Variants in HEPH observed in about 807,000 individuals in gnomAD.
The protein encoded by HEPH is hephaestin.
Under a neutral mutation model 80.8 loss-of-function variants are expected in HEPH, and 69 were observed. The ratio of observed to expected loss-of-function variants is 0.85; its 90% CI spans 0.70 to 1.04. The LOEUF (loss-of-function observed/expected upper bound fraction) is 1.04. Ranked by LOEUF, HEPH falls within the 50% of genes least tolerant of loss-of-function variation. The pLI is 0.00. For synonymous variants in HEPH, 431 were observed against 322.8 expected, an observed-to-expected ratio of 1.34 and a Z score of -3.60; for missense variants, 1,115 against 891.3, an observed-to-expected ratio of 1.25 and a Z score of -3.20.
intron 15 of HEPH, among the ~76,000 whole-genome samples, chrX:66,231,616 T>C (rs1216100916): frequency 1.8e-5 from 2 of 110,004 alleles, no homozygotes; most frequent in Non-Finnish European, 3.8e-5. Flanking sequence ...GTGATTTTTG[T>C]ACATTGATTT....
chrX:66,178,066 G>A (rs1438938918), intron 4 of HEPH, among the ~76,000 whole-genome samples: 1 of 111,440 alleles, frequency 9.0e-6, no homozygotes, highest in African/African-American at 3.3e-5. Context: ...TTTACATTAG[G>A]TATATCTCCT....
intron 1 of HEPH, among the ~76,000 whole-genome samples, chrX:66,164,911 C>G (rs2086292655): frequency 8.9e-6 from 1 of 112,096 alleles, no homozygotes; most frequent in Admixed American, 9.5e-5. Context: ...AGCTAAACAT[C>G]TGAATTTGAG....
At position 66,188,352 on chromosome X, in the gene HEPH, G is replaced by T; in HGVS notation, c.626-7G>T. On this transcript the variant is annotated splice_polypyrimidine_tract_variant and splice_region_variant and intron_variant, in intron 4 of 20. Transcript: ENST00000343002. ...CTTCTCAAGGGAAACTGTCTTACTT[G>T]CCCTAGGAGCCCTGGATGGGAACTC... The T allele has an allele frequency of 8.6e-7, 1 of 1,168,610 alleles. No individual in the cohort carries two copies. The highest frequency in any genetic ancestry group is 2.0e-5 in the South Asian group (1 of 51,256).
At chrX:66,201,491 T>C (rs1175831660) in intron 12 of HEPH, among the ~76,000 whole-genome samples, 1 of 111,758 alleles carries the variant, frequency 8.9e-6, no homozygotes, top group Non-Finnish European at 1.9e-5. Flanking sequence ...CTATAATGTT[T>C]CTTCAGATTC....
intron 12 of HEPH, 55 bp from the exon 13 acceptor site, chrX:66,203,309 C>T: frequency 9.5e-7 from 1 of 1,051,745 alleles, no homozygotes; most frequent in South Asian, 2.0e-5. Context: ...GGAAATCCCC[C>T]AGGCACTACC....
chrX:66,231,685 A>G (rs1306000310), intron 15 of HEPH, among the ~76,000 whole-genome samples: 1 of 109,371 alleles, frequency 9.1e-6, no homozygotes, highest in Admixed American at 9.8e-5. Context: ...GGGCTGAGAC[A>G]GTGGGGTTTT....
chrX:66,208,035 T>A (rs1043550992), intron 14 of HEPH, 80 bp from the exon 15 acceptor site: 84 of 735,307 alleles, frequency 1.1e-4, no homozygotes, highest in Non-Finnish European at 1.6e-4. Context: ...GAAGTGCTCA[T>A]ATATGTCCCT....
At chrX:66,192,919 T>C (rs2147726037) in intron 7 of HEPH, among the ~76,000 whole-genome samples, 1 of 111,267 alleles carries the variant, frequency 9.0e-6, no homozygotes, top group Admixed American at 9.6e-5. Flanking sequence ...TGATGACAGG[T>C]CTTCCACAGA....
At chrX:66,208,301 G>T in intron 15 of HEPH, 55 bp downstream of exon 15, 4 of 1,115,044 alleles carry the variant, frequency 3.6e-6, no homozygotes, top group Non-Finnish European at 4.8e-6. Flanking sequence ...TCTGCTTCAG[G>T]CTTCTGGATT....
intron 15 of HEPH, among the ~76,000 whole-genome samples, chrX:66,232,451 A>T (rs955809034): frequency 8.9e-6 from 1 of 111,882 alleles, no homozygotes; most frequent in Non-Finnish European, 1.9e-5. Flanking sequence ...GACATCAACC[A>T]TACCACTATT....
chrX:66,258,373 G>A (rs1027269002), intron 17 of HEPH, among the ~76,000 whole-genome samples: 7 of 111,557 alleles, frequency 6.3e-5, no homozygotes, highest in Middle Eastern at 4.6e-3. Flanking sequence ...TAAAAAATGG[G>A]TAAAAGAAGG....
At chrX:66,237,141 ATT>A (rs58556268) in intron 15 of HEPH, among the ~76,000 whole-genome samples, 6 of 99,992 alleles carry the variant, frequency 6.0e-5, no homozygotes, top group African/African-American at 2.2e-4. Flanking sequence ...TTCAGCTCTG[ATT>A]TTTTTTTTTC....
chrX:66,173,840 G>A, intron 4 of HEPH, 39 bp downstream of exon 4: 1 of 1,023,588 alleles, frequency 9.8e-7, no homozygotes, highest in South Asian at 2.2e-5. Context: ...TGTAGTTTGG[G>A]ACATCTAGGG....
intron 15 of HEPH, among the ~76,000 whole-genome samples, chrX:66,220,226 G>A: frequency 9.0e-6 from 1 of 111,456 alleles, no homozygotes. Flanking sequence ...TTGAGAGACT[G>A]GGCTACATGC....
intron 4 of HEPH, among the ~76,000 whole-genome samples, chrX:66,176,196 C>T (rs1441873082): frequency 9.0e-6 from 1 of 111,707 alleles, no homozygotes; most frequent in Non-Finnish European, 1.9e-5. Context: ...CCCTTGTATA[C>T]CAATTTTGCT....
At chrX:66,197,660 T>C (rs1261528879) in intron 9 of HEPH, 23 bp from the exon 10 acceptor site, 1 of 1,153,378 alleles carries the variant, frequency 8.7e-7, no homozygotes. Context: ...ATCTAAGTAA[T>C]GAGTCCCATA....
chrX:66,198,652 A>C (rs1171698369), intron 10 of HEPH, among the ~76,000 whole-genome samples: 2 of 110,236 alleles, frequency 1.8e-5, no homozygotes, highest in Non-Finnish European at 3.8e-5. Flanking sequence ...CCACTTTCAT[A>C]CAGTCTTCCC....
intron 15 of HEPH, among the ~76,000 whole-genome samples, chrX:66,218,152 T>C (rs186931439): frequency 9.0e-6 from 1 of 111,253 alleles, no homozygotes; most frequent in East Asian, 2.8e-4. Context: ...AAAGGAACAA[T>C]GGACTTAAAC....
Position 66,208,176 on chromosome X carries a change from C to T in HEPH, c.2493C>T (p.Ser831=), listed in dbSNP as rs2088898595. 8.3e-7 allele frequency: 1 copy of T among 1,202,208 alleles called. No individual in the cohort carries two copies. The highest frequency in any genetic ancestry group is 1.8e-5 in the African/African-American group (1 of 56,747). The change falls in exon 15 of 21, where the codon AGC becomes AGT. Residue 831 remains serine (S), a synonymous_variant. Coordinates refer to ENST00000343002, the MANE Select transcript of HEPH (RefSeq NM_001367233.3). The part of the protein sequence containing the change: ...ILTVVFKNNA[S]RPYSVHAHGV... Reference sequence around the variant, plus strand: ...CTGTGGTATTCAAGAATAATGCCAGCCGCCCCTACTCTGTGCATGCTCATG... The same window carrying T: ...CTGTGGTATTCAAGAATAATGCCAGTCGCCCCTACTCTGTGCATGCTCATG...
Sources: allele counts gnomAD v4.1 joint callset (sites outside exome capture counted in the v4.1 genomes callset), GRCh38; gene constraint gnomAD v4.1.1; transcripts MANE v1.5; gene names NCBI Gene and HGNC (gene_info 2026-07-23, HGNC 2026-07-21).